HPSE2: variants seen among roughly 807,000 people sequenced by gnomAD.
HPSE2 encodes the protein inactive heparanase-2.
HPSE2 carries 38 observed loss-of-function variants against 60.5 expected under a neutral mutation model. That is an observed-to-expected ratio of 0.63 (90% CI 0.48 to 0.82). The LOEUF is 0.82. Among genes scored for constraint, HPSE2 ranks in the 40% least tolerant of loss-of-function variants. The probability of loss-of-function intolerance (pLI) is 0.00; values close to 1 mark genes in which losing one functional copy is unlikely to be tolerated. For missense variants in HPSE2, 713 were observed against 740.4 expected, an observed-to-expected ratio of 0.96 and a Z score of 0.43; for synonymous variants, 295 against 293.2, an observed-to-expected ratio of 1.01 and a Z score of -0.06.
intron 9 of HPSE2, among the ~76,000 whole-genome samples, chr10:98,564,737 A>G (rs1944290662): frequency 1.3e-5 from 2 of 152,218 alleles, no homozygotes; most frequent in South Asian, 4.1e-4. Context: ...ATAAATGAGT[A>G]CTTATTTGTA....
chr10:98,892,386 A>G (rs1953360221), intron 3 of HPSE2, among the ~76,000 whole-genome samples: 1 of 152,194 alleles, frequency 6.6e-6, no homozygotes, highest in African/African-American at 2.4e-5. Flanking sequence ...ATAAATTTGA[A>G]TAAATATTCT....
At chr10:99,083,363 T>C (rs1423721729) in intron 3 of HPSE2, among the ~76,000 whole-genome samples, 1 of 152,220 alleles carries the variant, frequency 6.6e-6, no homozygotes, top group African/African-American at 2.4e-5. Flanking sequence ...TTTAAGTGGA[T>C]TTCTGCCCAA....
chr10:99,226,129 C>CATATATATACGAGGA (rs1440842560), intron 2 of HPSE2, among the ~76,000 whole-genome samples: 1 of 151,858 alleles, frequency 6.6e-6, no homozygotes, highest in East Asian at 1.9e-4. Flanking sequence ...GGGTGGTCTC[C>CATATATATACGAGGA]TTCCTGCCCA....
intron 3 of HPSE2, among the ~76,000 whole-genome samples, chr10:98,919,241 T>C (rs950062043): frequency 2.0e-5 from 3 of 152,084 alleles, no homozygotes; most frequent in Admixed American, 2.0e-4. Flanking sequence ...AAGCAGATAA[T>C]ATGCAGATGT....
intron 6 of HPSE2, among the ~76,000 whole-genome samples, chr10:98,645,760 T>A (rs1946750853): frequency 6.6e-6 from 1 of 151,928 alleles, no homozygotes; most frequent in Non-Finnish European, 1.5e-5. Context: ...GGGCGGATCA[T>A]GAGGTCAGGA....
the HPSE2 span, among the ~76,000 whole-genome samples, chr10:99,244,956 A>C: frequency 6.6e-6 from 1 of 152,070 alleles, no homozygotes; most frequent in East Asian, 1.9e-4. Flanking sequence ...AGTTATATTA[A>C]ACCTTATCAG....
At chr10:98,803,164 C>T (rs1097709) in intron 3 of HPSE2, among the ~76,000 whole-genome samples, 2 of 148,888 alleles carry the variant, frequency 1.3e-5, no homozygotes, top group East Asian at 2.0e-4. Flanking sequence ...TTTTTGATGG[C>T]GTTGTTTGTT....
chr10:99,183,198 A>G (rs1847845285), intron 2 of HPSE2, among the ~76,000 whole-genome samples: 2 of 152,134 alleles, frequency 1.3e-5, no homozygotes, highest in Non-Finnish European at 2.9e-5. Context: ...TTCAGAGTTA[A>G]GAGTGGCCAA....
At chr10:98,901,135 G>A (rs1028343411) in intron 3 of HPSE2, among the ~76,000 whole-genome samples, 2 of 152,086 alleles carry the variant, frequency 1.3e-5, no homozygotes, top group African/African-American at 2.4e-5. Context: ...TCATTTATAC[G>A]AAACTCTAGA....
intron 3 of HPSE2, among the ~76,000 whole-genome samples, chr10:98,946,681 AC>A: frequency 6.6e-6 from 1 of 152,280 alleles, no homozygotes; most frequent in East Asian, 1.9e-4. Flanking sequence ...AAGTATGCAC[AC>A]AAACACTTAT....
rs59927869 is a variant in HPSE2, at chr10:99,179,534, C to T, written c.449-35135G>A. ...CAATTGCTACTAAGAGAATAAAATACCTAGGAATCCAACTTACAAGGGATG... is the reference window on the plus strand; with the variant it reads ...CAATTGCTACTAAGAGAATAAAATATCTAGGAATCCAACTTACAAGGGATG... On this transcript the variant is annotated intron_variant, in intron 2 of 11. Transcript: ENST00000370552. 2.5e-3 allele frequency among the ~76,000 whole-genome samples: 379 copies of T among 152,136 alleles called. 2 individuals carry two copies. The highest frequency in any genetic ancestry group is 8.5e-3 in the African/African-American group (351 of 41,492).
At chr10:99,300,188 A>C in the HPSE2 span, among the ~76,000 whole-genome samples, 1 of 152,132 alleles carries the variant, frequency 6.6e-6, no homozygotes, top group African/African-American at 2.4e-5. Context: ...GGTCAAAATC[A>C]GTGTGCCTTC....
At chr10:98,670,648 C>T (rs902185110) in intron 6 of HPSE2, among the ~76,000 whole-genome samples, 2 of 152,230 alleles carry the variant, frequency 1.3e-5, no homozygotes, top group Non-Finnish European at 2.9e-5. Context: ...AGGCCTGGGC[C>T]TGCCTGGCCT....
the HPSE2 span, among the ~76,000 whole-genome samples, chr10:99,257,620 G>A: frequency 9.9e-5 from 15 of 152,258 alleles, no homozygotes; most frequent in East Asian, 1.7e-3. Flanking sequence ...GACAATGCGT[G>A]CCCGAAACTT....
chr10:99,255,095 A>C, the HPSE2 span, among the ~76,000 whole-genome samples: 1 of 152,174 alleles, frequency 6.6e-6, no homozygotes, highest in Non-Finnish European at 1.5e-5. Context: ...AGGCTCTTAA[A>C]AATATATAAG....
Position 99,215,216 on chromosome 10 carries a change from C to T in HPSE2, c.448+17132G>A, listed in dbSNP as rs80111835. On this transcript the variant is annotated intron_variant, in intron 2 of 11. Transcript: ENST00000370552. ...AACCAACCCAAATGCCCACCAATGA[C>T]GGACATTTCTTTATTTTCACCAATG... is the stretch of plus-strand genomic sequence containing the variant. Among the ~76,000 whole-genome samples the T allele has an allele frequency of 2.5e-3, 386 of 152,222 alleles. 1 individual carries two copies. The highest frequency in any genetic ancestry group is 8.7e-3 in the African/African-American group (363 of 41,550).
At chr10:99,013,053 T>C in intron 3 of HPSE2, 1 of 532,110 alleles carries the variant, frequency 1.9e-6, no homozygotes, top group Non-Finnish European at 3.5e-6. Flanking sequence ...TCAGGTAAAG[T>C]TTAGCACTTC....
At chr10:99,013,419 G>A in intron 3 of HPSE2, 1 of 526,356 alleles carries the variant, frequency 1.9e-6, no homozygotes, top group South Asian at 1.8e-5. Context: ...GAAGAACGAA[G>A]AGATTCTTGG....
intron 3 of HPSE2, among the ~76,000 whole-genome samples, chr10:99,075,156 G>A (rs1324084975): frequency 6.6e-6 from 1 of 151,896 alleles, no homozygotes; most frequent in Non-Finnish European, 1.5e-5. Flanking sequence ...TTTTAATACA[G>A]ACATTTATCA....
Sources: allele counts gnomAD v4.1 joint callset (sites outside exome capture counted in the v4.1 genomes callset), GRCh38; gene constraint gnomAD v4.1.1; transcripts MANE v1.5; gene names NCBI Gene and HGNC (gene_info 2026-07-23, HGNC 2026-07-21).